The following SLC12A7 variants were observed in gnomAD, a reference collection of about 807,000 sequenced individuals.
SLC12A7 encodes solute carrier family 12 member 7.
A neutral mutation model predicts 120.6 loss-of-function variants in SLC12A7; 100 were observed. The ratio of observed to expected loss-of-function variants is 0.83; its 90% CI spans 0.71 to 0.98. SLC12A7 has a LOEUF of 0.98. Among genes scored for constraint, SLC12A7 ranks in the 50% least tolerant of loss-of-function variants. The probability of loss-of-function intolerance (pLI) is 0.00; values close to 1 mark genes in which losing one functional copy is unlikely to be tolerated. For synonymous variants in SLC12A7, 760 were observed against 678.0 expected (o/e 1.12, Z -1.88); for missense variants, 1,373 against 1,548.1 (o/e 0.89, Z 1.90).
At chr5:1,112,811 G>A (rs1743142029), upstream of SLC12A7, among the ~76,000 whole-genome samples, 1 of 149,542 alleles carries the variant, frequency 6.7e-6, no homozygotes, top group Non-Finnish European at 1.5e-5. Context: ...ATAGCCTGGG[G>A]GTGGGGTACT....
the SLC12A7 span, among the ~76,000 whole-genome samples, chr5:1,129,678 A>G: frequency 3.3e-5 from 5 of 152,100 alleles, no homozygotes; most frequent in African/African-American, 1.2e-4. Context: ...ACACGGGAAC[A>G]CCTGGGGCAC....
upstream of SLC12A7, among the ~76,000 whole-genome samples, chr5:1,113,793 G>T (rs1317937920): frequency 3.3e-5 from 5 of 152,182 alleles, no homozygotes; most frequent in African/African-American, 1.2e-4. Flanking sequence ...CAATTATAGG[G>T]TTCACACTTA....
chr5:1,127,189 A>G, the SLC12A7 span, among the ~76,000 whole-genome samples: 4 of 152,038 alleles, frequency 2.6e-5, no homozygotes, highest in Non-Finnish European at 4.4e-5. Flanking sequence ...TAATTTTTGT[A>G]TTTTTAGTAG....
At chr5:1,098,119 TA>T (rs1741503208) in intron 1 of SLC12A7, among the ~76,000 whole-genome samples, 1 of 22,450 alleles carries the variant, frequency 4.5e-5, no homozygotes, top group African/African-American at 2.1e-4. Flanking sequence ...AGCCCCCCTC[TA>T]ACCCTCTGCA....
chr5:1,141,016 G>A, the SLC12A7 span, among the ~76,000 whole-genome samples: 2 of 152,154 alleles, frequency 1.3e-5, no homozygotes, highest in African/African-American at 2.4e-5. Context: ...ATACCAATAC[G>A]CTCGGGCCGC....
chr5:1,083,764 C>T lies in SLC12A7; in HGVS notation c.1110G>A (p.Ala370=), dbSNP rs561166866. 2.2e-5 allele frequency: 36 copies of T among 1,612,556 alleles called. No individual in the cohort carries two copies. The highest frequency in any genetic ancestry group is 1.1e-4 in the East Asian group (5 of 44,880). Residue 370 remains alanine (A), a synonymous_variant, in exon 8 of 24, where the codon GCG becomes GCA. Coordinates refer to ENST00000264930, the MANE Select transcript of SLC12A7 (RefSeq NM_006598.3). ...NVTEIQGIPG[A]ASGVFLENLW... Reference sequence around the variant, plus strand: ...CCTCACCCAGGAAGACACCACTGGCCGCGCCCGGGATGCCCTGGATTTCGG... The same window carrying T: ...CCTCACCCAGGAAGACACCACTGGCTGCGCCCGGGATGCCCTGGATTTCGG...
Position 1,053,427 on chromosome 5 carries a change from G to C in SLC12A7, c.3082C>G (p.Leu1028Val), listed in dbSNP as rs750526171. 1 of 1,614,014 alleles carries C rather than the reference G, an allele frequency of 6.2e-7. No homozygotes were observed. Among genetic ancestry groups the C allele is most frequent in the Admixed American group, 1.7e-5 (1 of 60,020 alleles). The change falls in exon 23 of 24, where the codon CTC (leucine) becomes GTC (valine). Residue 1028 changes from leucine (L) to valine (V), a missense_variant. Coordinates refer to ENST00000264930, the MANE Select transcript of SLC12A7 (RefSeq NM_006598.3). ...AGCTGCGCATCCTGGGACTTGTTGA[G>C]GACGACGCCATTGAGCTTCACAGCC... ...HTAVKLNGVV[L>V]NKSQDAQLVL...
At chr5:1,132,100 C>T in the SLC12A7 span, among the ~76,000 whole-genome samples, 3 of 152,154 alleles carry the variant, frequency 2.0e-5, no homozygotes, top group Non-Finnish European at 2.9e-5. Context: ...GTCAGGAAGC[C>T]ATCCAATACC....
intron 1 of SLC12A7, among the ~76,000 whole-genome samples, chr5:1,108,543 G>A (rs1283103393): frequency 6.6e-6 from 1 of 152,144 alleles, no homozygotes; most frequent in African/African-American, 2.4e-5. Flanking sequence ...GTCCGTGTCG[G>A]GAACGCCCTC....
intron 1 of SLC12A7, among the ~76,000 whole-genome samples, chr5:1,105,767 C>T (rs565063728): frequency 2.0e-5 from 3 of 152,238 alleles, no homozygotes; most frequent in South Asian, 2.1e-4. Flanking sequence ...AGACCAGCCC[C>T]CCATGTCAGT....
chr5:1,154,354 A>AGCACAC, the SLC12A7 span, among the ~76,000 whole-genome samples: 913 of 141,806 alleles, frequency 6.4e-3, 4 homozygotes, highest in African/African-American at 0.023. Flanking sequence ...TGGTGTCCGC[A>AGCACAC]ACACACACAC....
At chr5:1,075,713 C>T (rs1371898377) in intron 14 of SLC12A7, among the ~76,000 whole-genome samples, 2 of 152,334 alleles carry the variant, frequency 1.3e-5, no homozygotes, top group East Asian at 3.9e-4. Flanking sequence ...CAGTACATAG[C>T]TCCAGCTCCC....
chr5:1,080,322 A>G, intron 9 of SLC12A7, among the ~76,000 whole-genome samples: 1 of 58,052 alleles, frequency 1.7e-5, no homozygotes, highest in African/African-American at 4.5e-5. Flanking sequence ...CTCTGCCCCC[A>G]CGCCCTCCAC....
Position 1,077,819 on chromosome 5 carries a change from G to T in SLC12A7, c.1629+14C>A. The T allele has an allele frequency of 6.4e-7, 1 of 1,564,052 alleles. No homozygotes were observed. The highest frequency in any genetic ancestry group is 8.7e-7 in the Non-Finnish European group (1 of 1,155,244). ...GACCTTCCAGGGTCCCCCCGACGAG[G>T]GTGCGGGACTCACCTGCAGGAAGGG... On this transcript the variant is annotated intron_variant, in intron 12 of 23. Coordinates refer to ENST00000264930, the MANE Select transcript of SLC12A7 (RefSeq NM_006598.3).
At chr5:1,147,937 G>C in the SLC12A7 span, among the ~76,000 whole-genome samples, 1 of 151,802 alleles carries the variant, frequency 6.6e-6, no homozygotes, top group Admixed American at 6.6e-5. Context: ...ATCTTGCTAT[G>C]TTGCCCAGGG....
At chr5:1,121,335 G>T in the SLC12A7 span, among the ~76,000 whole-genome samples, 16 of 152,352 alleles carry the variant, frequency 1.1e-4, no homozygotes, top group African/African-American at 3.8e-4. Context: ...CCTGGCAGGG[G>T]TTTGGCCTGT....
Position 1,050,635 on chromosome 5 carries a change from C to T in SLC12A7, c.*1725G>A. 2.6e-6 allele frequency: 1 copy of T among 382,512 alleles called. No individual in the cohort carries two copies. The highest frequency in any genetic ancestry group is 4.6e-6 in the Non-Finnish European group (1 of 216,388). The allele number at this position is 382,512 out of a possible 1,614,324, so 23.7% of individuals were successfully genotyped here. ...TGTTTTCCAGCCACCAACCAACGTT[C>T]AGAGCCAGCACCATGTGGCCGCTGT... On this transcript the variant is annotated 3_prime_UTR_variant, in exon 24 of 24. Coordinates refer to ENST00000264930, the MANE Select transcript of SLC12A7 (RefSeq NM_006598.3).
intron 1 of SLC12A7, among the ~76,000 whole-genome samples, chr5:1,101,289 C>T (rs917250648): frequency 2.0e-5 from 3 of 152,218 alleles, no homozygotes; most frequent in Non-Finnish European, 2.9e-5. Flanking sequence ...CTGCTCACAG[C>T]TTGTCTGGTG....
chr5:1,155,286 C>A, the SLC12A7 span, among the ~76,000 whole-genome samples: 1 of 152,294 alleles, frequency 6.6e-6, no homozygotes, highest in South Asian at 2.1e-4. Flanking sequence ...AGGGACCCGC[C>A]GTGGTCCCGA....
Sources: allele counts gnomAD v4.1 joint callset (sites outside exome capture counted in the v4.1 genomes callset), GRCh38; gene constraint gnomAD v4.1.1; transcripts MANE v1.5; gene names NCBI Gene and HGNC (gene_info 2026-07-23, HGNC 2026-07-21).